The following WDR17 variants were observed in gnomAD, a reference collection of about 807,000 sequenced individuals.
WDR17 encodes the protein WD repeat-containing protein 17.
WDR17 carries 143 observed loss-of-function variants against 161.7 expected under a neutral mutation model. That is an observed-to-expected ratio of 0.88 (90% CI 0.77 to 1.02). The LOEUF is 1.02. Ranked by LOEUF, WDR17 falls within the 50% of genes least tolerant of loss-of-function variation. The pLI is 0.00. For missense variants in WDR17, 1,469 were observed against 1,520.9 expected, an observed-to-expected ratio of 0.97 and a Z score of 0.57; for synonymous variants, 517 against 515.6, an observed-to-expected ratio of 1.00 and a Z score of -0.04.
At chr4:176,132,147 G>T (rs1277894457) in intron 7 of WDR17, among the ~76,000 whole-genome samples, 1 of 151,906 alleles carries the variant, frequency 6.6e-6, no homozygotes, top group Non-Finnish European at 1.5e-5. Flanking sequence ...TTGTTGAATC[G>T]CTATGATACT....
chr4:176,140,075 C>A, intron 10 of WDR17, 101 bp downstream of exon 10: 1 of 930,252 alleles, frequency 1.1e-6, no homozygotes, highest in Non-Finnish European at 1.6e-6. Context: ...TTGTACAGCT[C>A]TACCAACTCT....
At chr4:176,123,742 G>A (rs1030920464) in intron 4 of WDR17, among the ~76,000 whole-genome samples, 2 of 152,110 alleles carry the variant, frequency 1.3e-5, no homozygotes, top group African/African-American at 2.4e-5. Flanking sequence ...TGCTTCTTTT[G>A]GGTTTTTATA....
intron 23 of WDR17, among the ~76,000 whole-genome samples, chr4:176,169,991 T>C (rs750741502): frequency 3.3e-5 from 5 of 152,194 alleles, no homozygotes; most frequent in Middle Eastern, 3.2e-3. Context: ...GTTTTTTAAT[T>C]ATACATTAAC....
intron 1 of WDR17, among the ~76,000 whole-genome samples, chr4:176,080,664 C>G (rs897448833): frequency 1.3e-5 from 2 of 152,112 alleles, no homozygotes; most frequent in African/African-American, 4.8e-5. Context: ...TCTTAATCCT[C>G]AAATGCAGGA....
chr4:176,132,354 C>T (rs10006286), intron 7 of WDR17, among the ~76,000 whole-genome samples: 149,194 of 152,182 alleles, frequency 0.98, 73,199 homozygotes, highest in East Asian at 1. Flanking sequence ...ATACATACTG[C>T]GTTGTAATTA....
At chr4:176,100,506 T>G (rs1737648011) in intron 1 of WDR17, among the ~76,000 whole-genome samples, 1 of 152,196 alleles carries the variant, frequency 6.6e-6, no homozygotes, top group Admixed American at 6.6e-5. Flanking sequence ...GATGAATAGT[T>G]TGCAGATATT....
chr4:176,140,589 A>G (rs147711657), intron 10 of WDR17, among the ~76,000 whole-genome samples: 2 of 152,308 alleles, frequency 1.3e-5, no homozygotes, highest in East Asian at 1.9e-4. Context: ...TTTTAAAATC[A>G]GATGCTCCTC....
At chr4:176,124,989 T>C in intron 4 of WDR17, 115 bp from the exon 5 acceptor site, 2 of 1,211,692 alleles carry the variant, frequency 1.7e-6, no homozygotes, top group South Asian at 3.1e-5. Flanking sequence ...AGCACCACAT[T>C]TGTATTTTCA....
chr4:176,093,275 A>G (rs1381314646), intron 1 of WDR17, among the ~76,000 whole-genome samples: 1 of 152,174 alleles, frequency 6.6e-6, no homozygotes, highest in East Asian at 1.9e-4. Flanking sequence ...AACAATCTAC[A>G]CATTCAGTGC....
chr4:176,162,753 G>A (rs556190790), intron 21 of WDR17, among the ~76,000 whole-genome samples: 3 of 152,008 alleles, frequency 2.0e-5, no homozygotes, highest in Non-Finnish European at 4.4e-5. Context: ...AGATTCTATT[G>A]TGCATTTATC....
chr4:176,160,821 T>A (rs1748920416), intron 19 of WDR17, 90 bp from the exon 20 acceptor site: 1 of 1,032,732 alleles, frequency 9.7e-7, no homozygotes, highest in African/African-American at 1.6e-5. Context: ...CAAACATTAT[T>A]TAAGTATACT....
chr4:176,133,023 A>C (rs1743723374), intron 7 of WDR17, among the ~76,000 whole-genome samples: 2 of 151,714 alleles, frequency 1.3e-5, no homozygotes, highest in African/African-American at 4.8e-5. Context: ...TTCATTTCTG[A>C]ATAAAACTGT....
chr4:176,102,705 C>A (rs1261164938), intron 1 of WDR17, among the ~76,000 whole-genome samples: 1 of 152,122 alleles, frequency 6.6e-6, no homozygotes, highest in Non-Finnish European at 1.5e-5. Context: ...CACTAGAAAT[C>A]TCTCTCCCCA....
intron 1 of WDR17, among the ~76,000 whole-genome samples, chr4:176,073,639 C>G (rs1177028027): frequency 6.7e-6 from 1 of 149,390 alleles, no homozygotes; most frequent in Non-Finnish European, 1.5e-5. Flanking sequence ...ATGGCTGGGT[C>G]AAATGGTATT....
At chr4:176,160,204 C>T (rs772804558) in intron 19 of WDR17, 78 bp downstream of exon 19, 43 of 1,547,278 alleles carry the variant, frequency 2.8e-5, no homozygotes, top group Non-Finnish European at 3.6e-5. Flanking sequence ...TTGACTGGCT[C>T]ACCCTTACAT....
At chr4:176,115,055 T>G (rs1456222555) in intron 2 of WDR17, among the ~76,000 whole-genome samples, 1 of 152,040 alleles carries the variant, frequency 6.6e-6, no homozygotes, top group Non-Finnish European at 1.5e-5. Context: ...AGCATATAGC[T>G]TTAAAAAGTT....
chr4:176,160,865 A>T (rs1748931225), intron 19 of WDR17, 46 bp from the exon 20 acceptor site: 1 of 1,459,772 alleles, frequency 6.9e-7, no homozygotes, highest in East Asian at 2.4e-5. Flanking sequence ...TGTGTCAATT[A>T]TCAACAATTA....
At chr4:176,081,276 C>T (rs1734713885) in intron 1 of WDR17, among the ~76,000 whole-genome samples, 2 of 152,084 alleles carry the variant, frequency 1.3e-5, no homozygotes, top group Admixed American at 1.3e-4. Context: ...AAGTAAAATT[C>T]ACAGTTCTTA....
chr4:176,079,657 C>G (rs1401266486), intron 1 of WDR17, among the ~76,000 whole-genome samples: 1 of 152,038 alleles, frequency 6.6e-6, no homozygotes, highest in African/African-American at 2.4e-5. Flanking sequence ...TGTCTTCATA[C>G]ATTTTCTGGT....
Sources: allele counts gnomAD v4.1 joint callset (sites outside exome capture counted in the v4.1 genomes callset), GRCh38; gene constraint gnomAD v4.1.1; transcripts MANE v1.5; gene names NCBI Gene and HGNC (gene_info 2026-07-23, HGNC 2026-07-21).